Variants in PTH2R observed in about 807,000 individuals in gnomAD.
The protein encoded by PTH2R is parathyroid hormone 2 receptor, also known as PTH2 receptor.
Under a neutral mutation model 60.3 loss-of-function variants are expected in PTH2R, and 59 were observed. The ratio of observed to expected loss-of-function variants is 0.98; its 90% CI spans 0.79 to 1.22. The LOEUF is 1.22. PTH2R is among the 50% of genes most tolerant of loss of function. The probability of loss-of-function intolerance (pLI) is 0.00; values close to 1 mark genes in which losing one functional copy is unlikely to be tolerated. For synonymous variants in PTH2R, 256 were observed against 243.8 expected (o/e 1.05, Z -0.47); for missense variants, 749 against 682.6 (o/e 1.10, Z -1.08).
intron 1 of PTH2R, among the ~76,000 whole-genome samples, chr2:208,426,631 T>C (rs1163165359): frequency 4.6e-5 from 7 of 152,196 alleles, no homozygotes; most frequent in Admixed American, 2.6e-4. Flanking sequence ...CATGCTGTTC[T>C]GATAGTGAGT....
chr2:208,382,412 C>G (rs1700931598), intron 1 of PTH2R, among the ~76,000 whole-genome samples: 1 of 151,154 alleles, frequency 6.6e-6, no homozygotes, highest in Non-Finnish European at 1.5e-5. Context: ...AATGGCTCTA[C>G]CATACTTGAT....
chr2:208,374,296 C>T (rs1285213457), intron 1 of PTH2R, among the ~76,000 whole-genome samples: 1 of 151,958 alleles, frequency 6.6e-6, no homozygotes, highest in African/African-American at 2.4e-5. Flanking sequence ...TTTCCTATGC[C>T]TTTAACTTCT....
chr2:208,387,055 A>T (rs1701016001), intron 1 of PTH2R, among the ~76,000 whole-genome samples: 1 of 151,972 alleles, frequency 6.6e-6, no homozygotes, highest in South Asian at 2.1e-4. Flanking sequence ...TTACTTTTTA[A>T]TTTTTAAACT....
chr2:208,448,122 C>A (rs1347343592), intron 7 of PTH2R, among the ~76,000 whole-genome samples: 2 of 152,068 alleles, frequency 1.3e-5, no homozygotes, highest in Non-Finnish European at 2.9e-5. Context: ...AGGAAACAGT[C>A]CCACACTCCC....
At chr2:208,361,053 G>A (rs902374696) in intron 1 of PTH2R, 3 of 209,452 alleles carry the variant, frequency 1.4e-5, no homozygotes, top group Non-Finnish European at 3.0e-5. Flanking sequence ...AACAGATGGC[G>A]ATGACACACA....
intron 1 of PTH2R, among the ~76,000 whole-genome samples, chr2:208,412,288 C>T (rs555458943): frequency 8.4e-4 from 128 of 152,322 alleles, no homozygotes; most frequent in African/African-American, 2.8e-3. Flanking sequence ...CTCCCAGGAT[C>T]GCACAGCTGT....
At chr2:208,482,921 C>A (rs914913810) in intron 10 of PTH2R, among the ~76,000 whole-genome samples, 1 of 152,206 alleles carries the variant, frequency 6.6e-6, no homozygotes. Flanking sequence ...GACTGCACGT[C>A]CATTCATAGG....
chr2:208,456,060 G>A (rs1702506894), intron 8 of PTH2R, among the ~76,000 whole-genome samples: 1 of 152,036 alleles, frequency 6.6e-6, no homozygotes, highest in Non-Finnish European at 1.5e-5. Context: ...CCAACATGGT[G>A]AAACTCCGTC....
chr2:208,442,215 C>T (rs1241420017), intron 4 of PTH2R, 149 bp from the exon 5 acceptor site: 2 of 632,316 alleles, frequency 3.2e-6, no homozygotes, highest in Non-Finnish European at 5.5e-6. Flanking sequence ...AATGCTCACT[C>T]CAGATCTCTA....
At chr2:208,439,804 A>T (rs1470166975) in intron 4 of PTH2R, among the ~76,000 whole-genome samples, 1 of 152,200 alleles carries the variant, frequency 6.6e-6, no homozygotes, top group Non-Finnish European at 1.5e-5. Context: ...ACTTTTGGAA[A>T]GCCATTTAGC....
At chr2:208,473,198 T>C (rs1702924025) in intron 9 of PTH2R, among the ~76,000 whole-genome samples, 3 of 152,300 alleles carry the variant, frequency 2.0e-5, no homozygotes, top group Admixed American at 2.0e-4. Context: ...TGTCTTTCTT[T>C]GGGGGTAGGG....
At chr2:208,440,227 C>T (rs1022362155) in intron 4 of PTH2R, among the ~76,000 whole-genome samples, 1 of 152,090 alleles carries the variant, frequency 6.6e-6, no homozygotes, top group African/African-American at 2.4e-5. Flanking sequence ...TCAAGATCAG[C>T]CTGGGCAACA....
intron 1 of PTH2R, among the ~76,000 whole-genome samples, chr2:208,427,243 C>G (rs1701874453): frequency 6.6e-6 from 1 of 151,990 alleles, no homozygotes; most frequent in African/African-American, 2.4e-5. Context: ...CAAAACAAAA[C>G]AAAACAAAAA....
rs769106985 is a variant in PTH2R, at chr2:208,407,022, TCTTC to T, written c.-19_-16del. ...CGGGCTCTGGAGGAGGGTCCCTGCT[TCTTC>T]CTACAGCCGTTCCGGGCATGGCCGG... On this transcript the variant is annotated 5_prime_UTR_variant, in exon 1 of 13. Coordinates refer to ENST00000272847, the MANE Select transcript of PTH2R (RefSeq NM_005048.4). The T allele has an allele frequency of 1.4e-6, 2 of 1,380,622 alleles. No individual in the cohort carries two copies. Among genetic ancestry groups the T allele is most frequent in the South Asian group, 4.1e-5 (2 of 49,218 alleles). The allele number at this position is 1,380,622 out of a possible 1,614,324, so 85.5% of individuals were successfully genotyped here.
chr2:208,387,692 A>T (rs1222437888), intron 1 of PTH2R, among the ~76,000 whole-genome samples: 1 of 152,234 alleles, frequency 6.6e-6, no homozygotes, highest in Non-Finnish European at 1.5e-5. Flanking sequence ...TTGCTTCTCT[A>T]TTATACCATC....
At chr2:208,433,505 A>C (rs2105860923) in intron 2 of PTH2R, among the ~76,000 whole-genome samples, 1 of 152,374 alleles carries the variant, frequency 6.6e-6, no homozygotes, top group African/African-American at 2.4e-5. Flanking sequence ...ATACTTTAGA[A>C]ATCTGTAGCA....
chr2:208,394,194 G>A (rs1701162343), intron 1 of PTH2R, among the ~76,000 whole-genome samples: 1 of 152,168 alleles, frequency 6.6e-6, no homozygotes, highest in Non-Finnish European at 1.5e-5. Context: ...CCACTAGCAG[G>A]CCAGGTTTGC....
At chr2:208,472,212 C>T (rs1395155951) in intron 9 of PTH2R, among the ~76,000 whole-genome samples, 1 of 152,090 alleles carries the variant, frequency 6.6e-6, no homozygotes, top group Non-Finnish European at 1.5e-5. Context: ...CTTTGGGGGC[C>T]TGTTGGGAAG....
At chr2:208,390,271 T>A (rs1209950726) in intron 1 of PTH2R, among the ~76,000 whole-genome samples, 1 of 152,148 alleles carries the variant, frequency 6.6e-6, no homozygotes, top group Non-Finnish European at 1.5e-5. Context: ...AAGCTTATGT[T>A]TGGAGAGAGT....
Sources: gnomAD v4.1 joint callset for allele counts (sites outside exome capture counted in the v4.1 genomes callset) on GRCh38, gnomAD v4.1.1 for gene constraint, MANE v1.5 for transcripts, NCBI Gene and HGNC (gene_info 2026-07-23, HGNC 2026-07-21) for gene names.